The following USP40 variants were observed in gnomAD, a reference collection of about 807,000 sequenced individuals.
The protein encoded by USP40 is ubiquitin carboxyl-terminal hydrolase 40.
Under a neutral mutation model 166.2 loss-of-function variants are expected in USP40, and 143 were observed. The observed-to-expected ratio is 0.86, with a 90% CI of 0.75 to 0.99. USP40 has a LOEUF of 0.99. USP40 is among the 50% of genes least tolerant of loss of function. USP40 has a pLI of 0.00. For synonymous variants in USP40, 498 were observed against 524.0 expected (o/e 0.95, Z 0.68); for missense variants, 1,444 against 1,479.7 (o/e 0.98, Z 0.40).
In USP40 at chr2:233,499,747, A is replaced by G. The variant is rs78770364; in HGVS notation, c.2650+132T>C. The G allele has an allele frequency of 9.5e-3, 6,255 of 660,358 alleles. 274 individuals carry two copies. In the African/African-American group the frequency reaches 0.1, roughly 11 times the overall value. The allele number at this position is 660,358 out of a possible 1,614,324, so 40.9% of individuals were successfully genotyped here. On this transcript the variant is annotated intron_variant, in intron 22 of 31. Coordinates refer to ENST00000678225, the MANE Select transcript of USP40 (RefSeq NM_001365479.2). The stretch of plus-strand genomic sequence containing the variant: ...AACCAGGAGAATTCATTATGTACAT[A>G]TGGAAGTGTAAACTACTTTTTATTT...
intron 18 of USP40, among the ~76,000 whole-genome samples, chr2:233,517,379 G>GTTTTTTTTTTTTTTTTTTT (rs202226925): frequency 7.3e-6 from 1 of 137,140 alleles, no homozygotes; most frequent in Non-Finnish European, 1.5e-5. Context: ...CACATGCATG[G>GTTTTTTTTTTTTTTTTTTT]TTTTTTGTTT....
intron 8 of USP40, among the ~76,000 whole-genome samples, chr2:233,548,659 T>C (rs1379285714): frequency 1.3e-5 from 2 of 152,150 alleles, no homozygotes; most frequent in Non-Finnish European, 2.9e-5. Flanking sequence ...ACAACAGTAT[T>C]ATATCAATGT....
intron 6 of USP40, 103 bp downstream of exon 6, chr2:233,554,277 A>G (rs1291269392): frequency 8.6e-7 from 1 of 1,161,866 alleles, no homozygotes; most frequent in East Asian, 2.8e-5. Context: ...TTCAATCCTT[A>G]GTGTCAACAG....
chr2:233,539,172 T>C (rs900740473), intron 10 of USP40, among the ~76,000 whole-genome samples: 7 of 151,222 alleles, frequency 4.6e-5, no homozygotes, highest in African/African-American at 1.5e-4. Context: ...ACAATTATAG[T>C]TGGGAGATTT....
chr2:233,522,192 T>C (rs866072687), intron 16 of USP40, among the ~76,000 whole-genome samples: 3 of 152,138 alleles, frequency 2.0e-5, no homozygotes, highest in South Asian at 2.1e-4. Flanking sequence ...CAACTACTTA[T>C]CTACAAAATA....
intron 30 of USP40, among the ~76,000 whole-genome samples, chr2:233,484,030 T>A (rs1336591472): frequency 6.6e-6 from 1 of 152,174 alleles, no homozygotes; most frequent in Non-Finnish European, 1.5e-5. Context: ...GCCTCCATGC[T>A]GCACTGTCGC....
At chr2:233,562,548 C>T (rs1460856024) in intron 3 of USP40, among the ~76,000 whole-genome samples, 188 bp downstream of exon 3, 1 of 136,516 alleles carries the variant, frequency 7.3e-6, no homozygotes, top group African/African-American at 2.8e-5. Flanking sequence ...GGGAACATCA[C>T]ACTCTGGGGA....
intron 10 of USP40, among the ~76,000 whole-genome samples, chr2:233,537,142 C>A (rs2068998140): frequency 6.6e-6 from 1 of 152,132 alleles, no homozygotes; most frequent in Non-Finnish European, 1.5e-5. Context: ...CCTAGACCTC[C>A]CTTTTGCTGG....
intron 30 of USP40, among the ~76,000 whole-genome samples, chr2:233,482,526 AAACT>A (rs1348726209): frequency 4.0e-5 from 6 of 151,898 alleles, no homozygotes; most frequent in Non-Finnish European, 8.8e-5. Context: ...TCTGTGTACT[AAACT>A]AACACCAAAC....
intron 2 of USP40, among the ~76,000 whole-genome samples, chr2:233,564,846 T>C (rs1442054842): frequency 6.6e-6 from 1 of 152,098 alleles, no homozygotes; most frequent in Non-Finnish European, 1.5e-5. Flanking sequence ...TCACACCAGG[T>C]CTGGTTCTGA....
intron 11 of USP40, among the ~76,000 whole-genome samples, chr2:233,533,087 A>G (rs2068667854): frequency 7.0e-6 from 1 of 143,214 alleles, no homozygotes; most frequent in Admixed American, 6.7e-5. Context: ...TCAGGAAAAT[A>G]AAGGAGAAGA....
rs1420552546 is a variant in USP40, at chr2:233,481,321, G to A, written c.3505-24C>T. 9 of 1,566,112 alleles carry A rather than the reference G, an allele frequency of 5.7e-6. No individual in the cohort carries two copies. The East Asian group carries it at 2.1e-4, about 36-fold the overall frequency. The stretch of plus-strand genomic sequence containing the variant: ...TTCTACATTTCAAAAGAAGTAATGA[G>A]CAGTGTTTTCTGACATCTTTTTAGC... On this transcript the variant is annotated intron_variant, in intron 30 of 31. Coordinates refer to ENST00000678225, the MANE Select transcript of USP40 (RefSeq NM_001365479.2).
At position 233,493,675 on chromosome 2, in the gene USP40, A is replaced by C; in HGVS notation, c.2791-124T>G. 8.6e-7 allele frequency: 1 copy of C among 1,166,922 alleles called. No individual in the cohort carries two copies. Among genetic ancestry groups the C allele is most frequent in the South Asian group, 2.3e-5 (1 of 43,728 alleles). 72.3% of individuals were successfully genotyped at this position (1,166,922 alleles called of 1,614,324 possible). ...TCTTGAACTTATCATTTTTCCTTTTAGATTTATTAACTGTCATAAATTATA... is the reference window on the plus strand; with the variant it reads ...TCTTGAACTTATCATTTTTCCTTTTCGATTTATTAACTGTCATAAATTATA... On this transcript the variant is annotated intron_variant, in intron 24 of 31. Transcript: ENST00000678225. The surrounding 1 kb of genome is among the most constrained non-coding windows in gnomAD (Gnocchi z 4.7).
At position 233,529,422 on chromosome 2, in the gene USP40, T is replaced by TA; in HGVS notation, c.1553+8dup. ...TACTAGTCAAACTCTAAAAGCAATT[T>TA]AAAATTACCTTTTGGTTTGCAGTTC... On this transcript the variant is annotated intron_variant, in intron 12 of 31. Transcript: ENST00000678225. 6.4e-7 allele frequency: 1 copy of TA among 1,555,882 alleles called. No homozygotes were observed. Among genetic ancestry groups the TA allele is most frequent in the Non-Finnish European group, 8.7e-7 (1 of 1,148,166 alleles).
At chr2:233,506,620 C>T (rs557019774) in intron 21 of USP40, among the ~76,000 whole-genome samples, 11 of 151,148 alleles carry the variant, frequency 7.3e-5, no homozygotes, top group South Asian at 2.1e-4. Context: ...GGGAGCTGGG[C>T]GGGGTTGCTC....
chr2:233,520,825 G>A (rs1331855937), intron 17 of USP40, among the ~76,000 whole-genome samples, 166 bp downstream of exon 17: 1 of 152,074 alleles, frequency 6.6e-6, no homozygotes, highest in African/African-American at 2.4e-5. Flanking sequence ...TATGCTAAGG[G>A]CTAACATAGG....
intron 6 of USP40, among the ~76,000 whole-genome samples, chr2:233,553,634 C>G (rs990249592): frequency 6.6e-6 from 1 of 152,182 alleles, no homozygotes; most frequent in African/African-American, 2.4e-5. Flanking sequence ...CTAAGCTAAA[C>G]AGTAGTTGCC....
In USP40 at chr2:233,488,281, A is replaced by C. The variant is rs532293750; in HGVS notation, c.3155T>G (p.Ile1052Ser). The C allele has an allele frequency of 1.3e-5, 21 of 1,603,028 alleles. No individual in the cohort carries two copies. The South Asian group carries it at 2.4e-4, about 18-fold the overall frequency. ...PLREYKLGRR[I>S]EICLEPLQKG... ...CTGAAGGGGCTCTAAGCAGATCTCA[A>C]TTCTCCGTCCTAGTTTATATTCCCT... Residue 1052 changes from isoleucine (I) to serine (S), a missense_variant, in exon 28 of 32, where the codon ATT (isoleucine) becomes AGT (serine). Coordinates refer to ENST00000678225, the MANE Select transcript of USP40 (RefSeq NM_001365479.2).
In USP40 at chr2:233,477,424, A is replaced by G; in HGVS notation, c.3679T>C (p.Ser1227Pro). Residue 1227 changes from serine to proline, a missense_variant, in exon 32 of 32, where the codon TCT becomes CCT. Ser to Pro is a moderately conservative substitution (Grantham distance 74). Coordinates refer to ENST00000678225, the MANE Select transcript of USP40 (RefSeq NM_001365479.2). ...TPARPRAPETSLSIHVGSFR is the reference protein window; with the variant it reads ...TPARPRAPETPLSIHVGSFR ...AAGCTCCCCACGTGGATGGAGAGAG[A>G]AGTTTCCGGGGCTCGGGGCCGGGCA... 1.2e-6 allele frequency: 2 copies of G among 1,613,712 alleles called. No homozygotes were observed. The highest frequency in any genetic ancestry group is 1.7e-6 in the Non-Finnish European group (2 of 1,179,824).
Sources: allele counts gnomAD v4.1 joint callset (sites outside exome capture counted in the v4.1 genomes callset), GRCh38; gene constraint gnomAD v4.1.1; non-coding constraint Gnocchi (gnomAD v3.1); transcripts MANE v1.5; gene names NCBI Gene and HGNC (gene_info 2026-07-23, HGNC 2026-07-21).